PDE1C: variants seen among roughly 807,000 people sequenced by gnomAD.
PDE1C encodes the protein dual specificity calcium/calmodulin-dependent 3',5'-cyclic nucleotide phosphodiesterase 1C.
In PDE1C, 62 loss-of-function variants were observed where a neutral mutation model predicts 93.1. The ratio of observed to expected loss-of-function variants is 0.67; its 90% CI spans 0.54 to 0.82. The LOEUF (loss-of-function observed/expected upper bound fraction) is 0.82, where lower values mean the gene tolerates loss of function less well. Ranked by LOEUF, PDE1C falls within the 40% of genes least tolerant of loss-of-function variation. The pLI is 0.00. For missense variants in PDE1C, 742 were observed against 884.6 expected, an observed-to-expected ratio of 0.84 and a Z score of 2.04; for synonymous variants, 325 against 310.1, an observed-to-expected ratio of 1.05 and a Z score of -0.50.
chr7:32,196,379 G>C (rs139421688), intron 2 of PDE1C, among the ~76,000 whole-genome samples: 1,860 of 152,086 alleles, frequency 0.012, 30 homozygotes, highest in Non-Finnish European at 0.013. Flanking sequence ...TTATGTTAGG[G>C]CTCTTTTTTT....
upstream of PDE1C, chr7:32,071,234 G>A: frequency 1.0e-6 from 1 of 985,458 alleles, no homozygotes; most frequent in Non-Finnish European, 1.2e-6. Flanking sequence ...CCGCGCGCAA[G>A]TAGGAGGGAA....
At chr7:32,342,319 CTT>C (rs1452721955) in intron 1 of PDE1C, among the ~76,000 whole-genome samples, 1 of 152,130 alleles carries the variant, frequency 6.6e-6, no homozygotes, top group Non-Finnish European at 1.5e-5. Context: ...TGAAGAACAA[CTT>C]GAGTTAATCA....
chr7:32,223,137 C>T (rs1391625878), intron 1 of PDE1C, among the ~76,000 whole-genome samples: 1 of 152,228 alleles, frequency 6.6e-6, no homozygotes, highest in African/African-American at 2.4e-5. Context: ...ATCACTGCCT[C>T]CAAATCCCTT....
chr7:32,095,767 T>C (rs948090376), intron 3 of PDE1C, among the ~76,000 whole-genome samples: 2 of 152,166 alleles, frequency 1.3e-5, no homozygotes, highest in African/African-American at 4.8e-5. Context: ...GCCTCACACA[T>C]TGACTATCCT....
intron 2 of PDE1C, among the ~76,000 whole-genome samples, chr7:32,000,590 C>A (rs1186376845): frequency 6.6e-6 from 1 of 152,162 alleles, no homozygotes; most frequent in Admixed American, 6.5e-5. Flanking sequence ...CATCGCAGAA[C>A]CCTCTCACCA....
intron 17 of PDE1C, among the ~76,000 whole-genome samples, chr7:31,765,685 C>T (rs916873912): frequency 1.3e-5 from 2 of 152,156 alleles, no homozygotes; most frequent in Non-Finnish European, 2.9e-5. Flanking sequence ...TGCCATCCTT[C>T]AATCAACTCA....
rs770398901 is a variant in PDE1C at position 32,070,385 on chromosome 7, C to T, written c.9G>A (p.Ser3=). 7 of 1,613,978 alleles carry T rather than the reference C, an allele frequency of 4.3e-6. No individual in the cohort carries two copies. Among genetic ancestry groups the T allele is most frequent in the African/African-American group, 1.3e-5 (1 of 74,934 alleles). The change falls in exon 1 of 18, where the codon TCG becomes TCA. Residue 3 remains serine, a synonymous_variant. Coordinates refer to ENST00000396191, the MANE Select transcript of PDE1C (RefSeq NM_001191057.4). Reference sequence around the variant, plus strand: ...CAAATTCTTCAATCTCCTTGGTTGGCGACTCCATAGCTGCAGGTAGGTGAC... The same window carrying T: ...CAAATTCTTCAATCTCCTTGGTTGGTGACTCCATAGCTGCAGGTAGGTGAC... ME[S]PTKEIEEFES... is the part of the protein sequence containing the mutation.
At chr7:31,783,330 G>A (rs1048834605) in intron 16 of PDE1C, among the ~76,000 whole-genome samples, 1 of 152,052 alleles carries the variant, frequency 6.6e-6, no homozygotes, top group Non-Finnish European at 1.5e-5. Context: ...ACGTGATATA[G>A]TCATACTCTG....
intron 1 of PDE1C, among the ~76,000 whole-genome samples, chr7:32,234,579 A>T (rs925269703): frequency 7.9e-5 from 12 of 152,050 alleles, no homozygotes; most frequent in African/African-American, 2.9e-4. Context: ...TGAAATAGGT[A>T]ACATAAATTA....
chr7:32,381,568 C>G (rs957850941), intron 1 of PDE1C, among the ~76,000 whole-genome samples: 4 of 152,178 alleles, frequency 2.6e-5, no homozygotes, highest in Admixed American at 2.6e-4. Flanking sequence ...AAGCATACTT[C>G]TACCTCAGGG....
intron 1 of PDE1C, among the ~76,000 whole-genome samples, chr7:32,419,132 C>A (rs1785335198): frequency 6.6e-6 from 1 of 152,038 alleles, no homozygotes; most frequent in Non-Finnish European, 1.5e-5. Context: ...TACTCAGGTT[C>A]AAGGAGTTTA....
the PDE1C span, chr7:31,651,883 A>G: frequency 3.2e-6 from 4 of 1,243,404 alleles, no homozygotes; most frequent in African/African-American, 3.0e-5. Context: ...TGACAATGGA[A>G]GATTGCACCT....
chr7:31,652,425 C>T, the PDE1C span: 1 of 1,472,138 alleles, frequency 6.8e-7, no homozygotes, highest in Non-Finnish European at 9.0e-7. Flanking sequence ...AGAGAATCGA[C>T]CACCTCATAA....
chr7:32,424,313 T>C (rs1221201857), intron 1 of PDE1C, among the ~76,000 whole-genome samples: 1 of 152,210 alleles, frequency 6.6e-6, no homozygotes, highest in Non-Finnish European at 1.5e-5. Flanking sequence ...GCTGACTTAA[T>C]ACCCTGAGCT....
At chr7:31,913,927 G>A (rs1052689650) in intron 2 of PDE1C, among the ~76,000 whole-genome samples, 1 of 151,998 alleles carries the variant, frequency 6.6e-6, no homozygotes, top group Non-Finnish European at 1.5e-5. Flanking sequence ...GCTACCTTCC[G>A]CCCACATCTC....
intron 2 of PDE1C, among the ~76,000 whole-genome samples, chr7:32,186,985 C>T (rs1315700536): frequency 6.6e-6 from 1 of 152,182 alleles, no homozygotes; most frequent in East Asian, 1.9e-4. Flanking sequence ...GTTGATCCTA[C>T]CAGAGCTAGC....
intron 1 of PDE1C, among the ~76,000 whole-genome samples, chr7:32,413,111 T>C (rs1267440727): frequency 6.6e-6 from 1 of 152,108 alleles, no homozygotes; most frequent in African/African-American, 2.4e-5. Context: ...AAATTGTACA[T>C]CAAAACAAGA....
chr7:31,824,907 C>A lies in PDE1C; in HGVS notation c.1366G>T (p.Glu456Ter). ...CCTGTCCCACCAGTTTGAGAGGTTT[C>A]ATCGATTAATGGACTCACAATCTTC... is the stretch of plus-strand genomic sequence containing the variant. Reference protein sequence around the residue: ...TEKIVSPLIDETSQTGGTGQR... With the variant: ...TEKIVSPLID Residue 456 changes from glutamate (E) to a stop codon, truncating the protein, a stop_gained, in exon 13 of 18, where the codon GAA becomes TAA. Coordinates refer to ENST00000396191, the MANE Select transcript of PDE1C (RefSeq NM_001191057.4). LOFTEE classifies it high-confidence loss of function. 1 of 1,613,374 alleles carries A rather than the reference C, an allele frequency of 6.2e-7. No individual in the cohort carries two copies. The highest frequency in any genetic ancestry group is 8.5e-7 in the Non-Finnish European group (1 of 1,179,502).
intron 12 of PDE1C, among the ~76,000 whole-genome samples, chr7:31,826,229 T>C (rs1409246279): frequency 6.6e-6 from 1 of 152,196 alleles, no homozygotes; most frequent in Non-Finnish European, 1.5e-5. Context: ...ATATTTAGTT[T>C]TCACAATGGC....
Sources: gnomAD v4.1 joint callset for allele counts (sites outside exome capture counted in the v4.1 genomes callset) on GRCh38, gnomAD v4.1.1 for gene constraint, MANE v1.5 for transcripts, NCBI Gene and HGNC (gene_info 2026-07-23, HGNC 2026-07-21) for gene names.